ELF1: variants seen among roughly 807,000 people sequenced by gnomAD.
The protein encoded by ELF1 is E74 like ETS transcription factor 1.
ELF1 carries 24 observed loss-of-function variants against 59.9 expected under a neutral mutation model. The observed-to-expected ratio is 0.40, with a 90% CI of 0.29 to 0.56. The LOEUF (loss-of-function observed/expected upper bound fraction) is 0.56, where lower values mean the gene tolerates loss of function less well. ELF1 is among the 20% of genes least tolerant of loss of function. ELF1 has a pLI of 0.44. For missense variants in ELF1, 627 were observed against 742.2 expected (o/e 0.84, Z 1.80); for synonymous variants, 248 against 266.2 (o/e 0.93, Z 0.67).
intron 2 of ELF1, 102 bp downstream of exon 2, chr13:40,981,881 A>G: frequency 7.5e-7 from 1 of 1,328,494 alleles, no homozygotes; most frequent in Non-Finnish European, 1.0e-6. Context: ...TTTTACTTTC[A>G]ATAAAGTTTC....
intron 1 of ELF1, among the ~76,000 whole-genome samples, chr13:41,045,450 C>T (rs1314080671): frequency 2.0e-5 from 3 of 152,214 alleles, no homozygotes; most frequent in East Asian, 1.9e-4. Flanking sequence ...TCCCTCTACA[C>T]GCTGCTTTAA....
chr13:41,012,479 C>T (rs1875128508), intron 1 of ELF1, among the ~76,000 whole-genome samples: 2 of 150,836 alleles, frequency 1.3e-5, no homozygotes, highest in South Asian at 4.2e-4. Context: ...CCTCTAATAT[C>T]CCTCTCCAGT....
upstream of ELF1, among the ~76,000 whole-genome samples, chr13:41,023,792 C>A (rs1875778458): frequency 6.6e-6 from 1 of 152,166 alleles, no homozygotes; most frequent in Admixed American, 6.6e-5. Context: ...CTTTTGTCTG[C>A]ACTATATTCC....
In ELF1 at chr13:40,939,769, G is replaced by A. The variant is rs565531700; in HGVS notation, c.1256+1152C>T. ...ATTTTTGGATTTGGGATGCTGTGCC[G>A]GGTAAGTATAATGCAACGATTCAAA... On this transcript the variant is annotated intron_variant, in intron 8 of 8. Coordinates refer to ENST00000239882, the MANE Select transcript of ELF1 (RefSeq NM_172373.4). 1.1e-4 allele frequency among the ~76,000 whole-genome samples: 17 copies of A among 152,236 alleles called. No homozygotes were observed. In the South Asian group the frequency reaches 1.5e-3, roughly 13 times the overall value.
chr13:40,990,784 G>A (rs112806015), intron 1 of ELF1, among the ~76,000 whole-genome samples: 139 of 149,344 alleles, frequency 9.3e-4, no homozygotes, highest in African/African-American at 2.8e-3. Flanking sequence ...CCCGGGAGAC[G>A]GAGGGTGCAG....
chr13:41,000,949 T>C (rs1182605400), intron 1 of ELF1, among the ~76,000 whole-genome samples: 2 of 151,016 alleles, frequency 1.3e-5, no homozygotes, highest in East Asian at 3.9e-4. Flanking sequence ...AACATACCAA[T>C]GACATTCTTC....
At chr13:41,056,852 C>G (rs374413396) in intron 1 of ELF1, among the ~76,000 whole-genome samples, 4 of 151,898 alleles carry the variant, frequency 2.6e-5, no homozygotes, top group East Asian at 1.9e-4. Context: ...TAATGTTGAC[C>G]TGAGATGTGC....
intron 5 of ELF1, 66 bp downstream of exon 5, chr13:40,949,740 T>A: frequency 6.4e-7 from 1 of 1,554,040 alleles, no homozygotes; most frequent in Admixed American, 1.9e-5. Context: ...CTATGTAGAA[T>A]AAAAGTGATA....
In ELF1 at chr13:40,977,206, T is replaced by G. The variant is rs375806496; in HGVS notation, c.72+4777A>C. Among the ~76,000 whole-genome samples the G allele has an allele frequency of 3.3e-5, 5 of 152,172 alleles. No individual in the cohort carries two copies. The East Asian group carries it at 7.7e-4, about 24-fold the overall frequency. On this transcript the variant is annotated intron_variant, in intron 2 of 8. Transcript: ENST00000239882. ...CCTTCTCTTTAGAAACTTGTATCCA[T>G]AGACTTCTGCTTGCTTCTTCTTCTC...
chr13:41,016,213 G>A (rs756770649), intron 1 of ELF1, among the ~76,000 whole-genome samples: 7 of 152,122 alleles, frequency 4.6e-5, no homozygotes, highest in Non-Finnish European at 1.0e-4. Flanking sequence ...AGCCTTTTGT[G>A]CTTTTTGTTT....
At chr13:41,060,349 G>A (rs944662615) in intron 1 of ELF1, among the ~76,000 whole-genome samples, 1 of 152,248 alleles carries the variant, frequency 6.6e-6, no homozygotes, top group Admixed American at 6.5e-5. Context: ...TCGCAAGAGC[G>A]GCTGAAGAGG....
At chr13:40,953,983 T>G in intron 3 of ELF1, among the ~76,000 whole-genome samples, 1 of 152,200 alleles carries the variant, frequency 6.6e-6, no homozygotes, top group Non-Finnish European at 1.5e-5. Flanking sequence ...TTACAAAGAC[T>G]GTAGCCTTAC....
chr13:41,026,893 T>C (rs1372089522), intron 1 of ELF1, among the ~76,000 whole-genome samples: 1 of 152,236 alleles, frequency 6.6e-6, no homozygotes. Context: ...ACCCAGATTG[T>C]ACCTCTGGCC....
At position 40,968,745 on chromosome 13, in the gene ELF1, G is replaced by A. The variant is rs190363500; in HGVS notation, c.73-9729C>T. On this transcript the variant is annotated intron_variant, in intron 2 of 8. Transcript: ENST00000239882. ...TCTTTTTTTTTTTTTTTTTAGACAG[G>A]GTCTTGCTCCGTTGCCCAGGCTGTA... Among the ~76,000 whole-genome samples the A allele has an allele frequency of 1.5e-3, 223 of 148,156 alleles. 1 individual carries two copies. The highest frequency in any genetic ancestry group is 2.8e-3 in the Non-Finnish European group (190 of 67,558).
chr13:40,982,868 C>A (rs1003864957), intron 1 of ELF1: 4 of 985,076 alleles, frequency 4.1e-6, no homozygotes, highest in Admixed American at 6.2e-5. Flanking sequence ...CATGCTTAAG[C>A]CTGTCTTCAG....
upstream of ELF1, among the ~76,000 whole-genome samples, chr13:41,024,246 C>T (rs1040982271): frequency 1.3e-5 from 2 of 152,116 alleles, no homozygotes; most frequent in African/African-American, 2.4e-5. Context: ...GAAATGGATT[C>T]AGTAGTGCAG....
At chr13:41,010,589 T>C (rs1006810681) in intron 1 of ELF1, among the ~76,000 whole-genome samples, 12 of 152,140 alleles carry the variant, frequency 7.9e-5, no homozygotes, top group African/African-American at 2.7e-4. Flanking sequence ...AATCTTTATA[T>C]AATTATAATA....
At chr13:41,054,022 C>G (rs1477367477) in intron 1 of ELF1, among the ~76,000 whole-genome samples, 1 of 151,992 alleles carries the variant, frequency 6.6e-6, no homozygotes, top group African/African-American at 2.4e-5. Flanking sequence ...AAATATAACT[C>G]TCAAGGATAA....
chr13:41,016,784 C>T (rs1007053521), intron 1 of ELF1, among the ~76,000 whole-genome samples: 1 of 150,456 alleles, frequency 6.6e-6, no homozygotes, highest in African/African-American at 2.4e-5. Flanking sequence ...CGTGGTGGCG[C>T]ATGCCTGTAA....
Sources: allele counts gnomAD v4.1 joint callset (sites outside exome capture counted in the v4.1 genomes callset), GRCh38; gene constraint gnomAD v4.1.1; transcripts MANE v1.5; gene names NCBI Gene and HGNC (gene_info 2026-07-23, HGNC 2026-07-21).